Variants in SLC39A11 observed in about 807,000 individuals in gnomAD.
SLC39A11 encodes solute carrier family 39 member 11.
SLC39A11 carries 33 observed loss-of-function variants against 36.1 expected under a neutral mutation model. That is an observed-to-expected ratio of 0.91 (90% confidence interval 0.69 to 1.22). SLC39A11 has a LOEUF of 1.22. Ranked by LOEUF, SLC39A11 falls within the 50% of genes most tolerant of loss-of-function variation. The pLI is 0.00. For synonymous variants in SLC39A11, 166 were observed against 170.3 expected (o/e 0.97, Z 0.20); for missense variants, 432 against 430.3 (o/e 1.00, Z -0.03).
rs1222486841 is a variant in SLC39A11 at position 72,789,444 on chromosome 17, AG to A, written c.602-52726del. On this transcript the variant is annotated intron_variant, in intron 6 of 9. Transcript: ENST00000255559. Reference sequence around the variant, plus strand: ...GTCAAAGAAGTACTTGTTAGGGCAAAGGGCACACGAAATGAAGAATGGTTTT... The same window carrying A: ...GTCAAAGAAGTACTTGTTAGGGCAAAGGCACACGAAATGAAGAATGGTTTT... Among the ~76,000 whole-genome samples the A allele has an allele frequency of 2.6e-5, 4 of 152,338 alleles. No homozygotes were observed. The East Asian group carries it at 5.8e-4, about 22-fold the overall frequency.
chr17:72,665,237 C>T (rs11077619), intron 7 of SLC39A11, among the ~76,000 whole-genome samples: 8,161 of 152,174 alleles, frequency 0.054, 280 homozygotes, highest in Non-Finnish European at 0.075. Flanking sequence ...CCAGTCAAGA[C>T]TTCAGGTGAC....
intron 5 of SLC39A11, among the ~76,000 whole-genome samples, chr17:72,882,942 G>A (rs1386329136): frequency 6.6e-6 from 1 of 151,808 alleles, no homozygotes; most frequent in African/African-American, 2.4e-5. Context: ...GATTACAGGT[G>A]TGTGCCATGA....
intron 5 of SLC39A11, among the ~76,000 whole-genome samples, chr17:72,927,239 T>TAA: frequency 6.7e-6 from 1 of 150,330 alleles, no homozygotes; most frequent in Admixed American, 6.6e-5. Flanking sequence ...TTGGTAGAGA[T>TAA]AAAAAAAAAA....
intron 3 of SLC39A11, among the ~76,000 whole-genome samples, chr17:73,061,650 G>T (rs1382943022): frequency 1.3e-5 from 2 of 152,064 alleles, no homozygotes; most frequent in African/African-American, 4.8e-5. Context: ...ACTCATAGAG[G>T]GCTTAGACAA....
chr17:72,863,401 A>C (rs1000007714), intron 5 of SLC39A11, among the ~76,000 whole-genome samples: 6 of 152,178 alleles, frequency 3.9e-5, no homozygotes, highest in African/African-American at 1.4e-4. Context: ...CGGAGGACCC[A>C]AGGGAAACCC....
chr17:72,765,959 C>T (rs1028001780), intron 6 of SLC39A11, among the ~76,000 whole-genome samples: 1 of 152,122 alleles, frequency 6.6e-6, no homozygotes, highest in Non-Finnish European at 1.5e-5. Flanking sequence ...CTACAGTCGG[C>T]GGATAGAGCT....
At chr17:73,013,197 C>G (rs1049238955) in intron 4 of SLC39A11, among the ~76,000 whole-genome samples, 8 of 152,288 alleles carry the variant, frequency 5.3e-5, no homozygotes, top group African/African-American at 1.7e-4. Flanking sequence ...GTTCAAGGAA[C>G]CTGCCTCAGC....
intron 7 of SLC39A11, among the ~76,000 whole-genome samples, chr17:72,671,578 A>C (rs964014343): frequency 6.6e-6 from 1 of 152,158 alleles, no homozygotes; most frequent in South Asian, 2.1e-4. Flanking sequence ...AAAATTAGCT[A>C]GGCATGGTGG....
intron 4 of SLC39A11, among the ~76,000 whole-genome samples, chr17:73,009,766 C>T (rs190741908): frequency 4.6e-5 from 7 of 152,142 alleles, no homozygotes; most frequent in Admixed American, 3.3e-4. Flanking sequence ...ACTTTAAGTT[C>T]TAGGGTACAT....
chr17:72,685,467 T>A (rs1039604323), intron 7 of SLC39A11, among the ~76,000 whole-genome samples: 3 of 49,650 alleles, frequency 6.0e-5, no homozygotes, highest in African/African-American at 5.5e-4. Flanking sequence ...TCAAGAAACT[T>A]GAAGTCCTGT....
chr17:72,773,088 A>G (rs1378499521), intron 6 of SLC39A11, among the ~76,000 whole-genome samples: 1 of 152,224 alleles, frequency 6.6e-6, no homozygotes, highest in Non-Finnish European at 1.5e-5. Flanking sequence ...CTCCGTCTCA[A>G]AAAAGAAAAA....
intron 5 of SLC39A11, among the ~76,000 whole-genome samples, chr17:72,907,621 T>C (rs1353592924): frequency 6.6e-6 from 1 of 152,168 alleles, no homozygotes; most frequent in Non-Finnish European, 1.5e-5. Context: ...AGTTCTGAAA[T>C]AGTCATCCTT....
At position 73,009,079 on chromosome 17, in the gene SLC39A11, G is replaced by T. The variant is rs1483442632; in HGVS notation, c.306+22477C>A. On this transcript the variant is annotated intron_variant, in intron 4 of 9. Coordinates refer to ENST00000255559, the MANE Select transcript of SLC39A11 (RefSeq NM_139177.4). ...GCCTCAAAAAAAAAAAAAAAAAAAA[G>T]GCAGGGGGGCGGGGTGGCTCACGCC... is the stretch of plus-strand genomic sequence containing the variant. Among the ~76,000 whole-genome samples the T allele has an allele frequency of 2.5e-5, 3 of 121,356 alleles. No homozygotes were observed. In the South Asian group the frequency reaches 7.2e-4, roughly 29 times the overall value. 79.6% of individuals were successfully genotyped at this position (121,356 alleles called of 152,430 possible).
At chr17:72,647,763 AC>A (rs2069626950) in intron 9 of SLC39A11, 101 bp from the exon 10 acceptor site, 1 of 859,024 alleles carries the variant, frequency 1.2e-6, no homozygotes, top group Admixed American at 2.1e-5. Context: ...AAGAGAAAGC[AC>A]ACTACCATTA....
intron 4 of SLC39A11, among the ~76,000 whole-genome samples, chr17:72,980,090 A>G (rs1015605926): frequency 1.3e-5 from 2 of 152,178 alleles, no homozygotes; most frequent in Non-Finnish European, 2.9e-5. Context: ...CCCACCAACA[A>G]TAGCGGGACC....
At chr17:72,727,404 A>G (rs893087630) in intron 7 of SLC39A11, among the ~76,000 whole-genome samples, 3 of 152,208 alleles carry the variant, frequency 2.0e-5, no homozygotes, top group African/African-American at 7.2e-5. Context: ...CTGTAATCCC[A>G]GCACTTTGGG....
intron 7 of SLC39A11, among the ~76,000 whole-genome samples, chr17:72,728,072 T>C (rs2074006040): frequency 6.6e-6 from 1 of 152,198 alleles, no homozygotes. Flanking sequence ...AAAAAGACAG[T>C]TGGCCTCAGA....
At chr17:72,943,053 G>A (rs566707894) in intron 5 of SLC39A11, among the ~76,000 whole-genome samples, 1 of 152,304 alleles carries the variant, frequency 6.6e-6, no homozygotes, top group South Asian at 2.1e-4. Flanking sequence ...GAAAATGGGA[G>A]AAAGGGATGA....
chr17:72,910,651 GCACAGTGACTCATGGCTGTAATCCCAATA>G (rs1303105367), intron 5 of SLC39A11, among the ~76,000 whole-genome samples: 1 of 140,314 alleles, frequency 7.1e-6, no homozygotes, highest in African/African-American at 2.7e-5. Flanking sequence ...AAAAGGCTGG[GCACAGTGACTCATGGCTGTAATCCCAATA>G]CTTTGGGAGG....
Sources: allele counts gnomAD v4.1 joint callset (sites outside exome capture counted in the v4.1 genomes callset), GRCh38; gene constraint gnomAD v4.1.1; transcripts MANE v1.5; gene names NCBI Gene and HGNC (gene_info 2026-07-23, HGNC 2026-07-21).